The following SMCO4 variants were observed in gnomAD, a reference collection of about 807,000 sequenced individuals.
The protein encoded by SMCO4 is single-pass membrane and coiled-coil domain-containing protein 4.
A neutral mutation model predicts 3.6 loss-of-function variants in SMCO4; 4 were observed. That is an observed-to-expected ratio of 1.11 (90% CI 0.54 to 2.53). The LOEUF (loss-of-function observed/expected upper bound fraction) is 2.53. Ranked by LOEUF, SMCO4 falls within the 30% of genes most tolerant of loss-of-function variation. The probability of loss-of-function intolerance (pLI) is 0.02; values close to 1 mark genes in which losing one functional copy is unlikely to be tolerated. For missense variants in SMCO4, 70 were observed against 80.8 expected (o/e 0.87, Z 0.51); for synonymous variants, 36 against 35.3 (o/e 1.02, Z -0.07).
chr11:93,480,451 T>C (rs1172292947), intron 2 of SMCO4, among the ~76,000 whole-genome samples: 1 of 152,208 alleles, frequency 6.6e-6, no homozygotes, highest in Non-Finnish European at 1.5e-5. Flanking sequence ...CATGTGTGAC[T>C]AGCCAAGCCC....
At chr11:93,512,475 C>G (rs151337751) in intron 1 of SMCO4, among the ~76,000 whole-genome samples, 89 of 152,326 alleles carry the variant, frequency 5.8e-4, no homozygotes, top group African/African-American at 2.0e-3. Flanking sequence ...AAGCAGTTTC[C>G]AGTCCTGCAA....
At chr11:93,505,067 T>C (rs982700997) in intron 1 of SMCO4, among the ~76,000 whole-genome samples, 3 of 152,220 alleles carry the variant, frequency 2.0e-5, no homozygotes, top group Non-Finnish European at 4.4e-5. Context: ...TGTCTCACGC[T>C]GTAACAGATC....
At chr11:93,515,019 T>C (rs1948996412) in intron 1 of SMCO4, among the ~76,000 whole-genome samples, 1 of 152,220 alleles carries the variant, frequency 6.6e-6, no homozygotes, top group African/African-American at 2.4e-5. Context: ...TCTAAAATTT[T>C]GGCACCATTA....
At chr11:93,552,098 A>C in the SMCO4 span, among the ~76,000 whole-genome samples, 3 of 150,988 alleles carry the variant, frequency 2.0e-5, no homozygotes, top group East Asian at 5.8e-4. Context: ...AAACACTAAA[A>C]TGTTTCCAAA....
chr11:93,512,461 C>A (rs1016291223), intron 1 of SMCO4, among the ~76,000 whole-genome samples: 7 of 152,198 alleles, frequency 4.6e-5, no homozygotes, highest in Non-Finnish European at 1.0e-4. Context: ...CACTGACTCA[C>A]CCAAAGCAGT....
chr11:93,549,690 C>T, the SMCO4 span, among the ~76,000 whole-genome samples: 2 of 151,728 alleles, frequency 1.3e-5, no homozygotes, highest in Non-Finnish European at 2.9e-5. Context: ...AACTCCTGGG[C>T]TCAAGTGATC....
At chr11:93,549,628 T>TA in the SMCO4 span, among the ~76,000 whole-genome samples, 1 of 151,366 alleles carries the variant, frequency 6.6e-6, no homozygotes, top group Admixed American at 6.6e-5. Flanking sequence ...TATTTATTTT[T>TA]TTTTTTTTTA....
chr11:93,490,176 C>T (rs1228424961), intron 2 of SMCO4, among the ~76,000 whole-genome samples: 1 of 152,240 alleles, frequency 6.6e-6, no homozygotes, highest in East Asian at 1.9e-4. Flanking sequence ...GGAAGCAGAG[C>T]TTTTGAACAG....
chr11:93,514,413 T>TATATATATATATATATACAC lies in SMCO4; in HGVS notation c.-153-15066_-153-15065insGTGTATATATATATATATAT, dbSNP rs781423008. On this transcript the variant is annotated intron_variant, in intron 1 of 2. Transcript: ENST00000298966. ...ATATATATATATATATATATATATA[T>TATATATATATATATATACAC]ATATATATAAAATTTGGTCTCTTCC... Among the ~76,000 whole-genome samples, 68 of 33,944 alleles carry TATATATATATATATATACAC rather than the reference T, an allele frequency of 2.0e-3. 5 individuals are homozygous for TATATATATATATATATACAC. Among genetic ancestry groups the TATATATATATATATATACAC allele is most frequent in the Non-Finnish European group, 3.1e-3 (44 of 14,046 alleles). 22.3% of individuals were successfully genotyped at this position (33,944 alleles called of 152,430 possible). A position where few individuals can be genotyped will look rare whatever the true frequency, so the allele number is the denominator to read the frequency against.
chr11:93,531,581 C>T (rs1949162863), intron 1 of SMCO4, among the ~76,000 whole-genome samples: 1 of 152,186 alleles, frequency 6.6e-6, no homozygotes, highest in Non-Finnish European at 1.5e-5. Context: ...GGTTCTGTTT[C>T]TCTGCAGAAC....
At chr11:93,490,214 G>C (rs1409408917) in intron 2 of SMCO4, among the ~76,000 whole-genome samples, 1 of 152,238 alleles carries the variant, frequency 6.6e-6, no homozygotes, top group Non-Finnish European at 1.5e-5. Context: ...TGGCCAGCCA[G>C]GAAATGCTCT....
intron 1 of SMCO4, among the ~76,000 whole-genome samples, chr11:93,542,258 T>C (rs1006452124): frequency 6.6e-5 from 10 of 152,192 alleles, no homozygotes; most frequent in Non-Finnish European, 1.2e-4. Context: ...TCTTCCACCC[T>C]TGCCACCCTC....
rs376711478 is a variant in SMCO4 at position 93,503,018 on chromosome 11, G to C, written c.-153-3670C>G. On this transcript the variant is annotated intron_variant, in intron 1 of 2. Coordinates refer to ENST00000298966, the MANE Select transcript of SMCO4 (RefSeq NM_020179.3). ...TTACAGATCAGAAAGAAGAGGTACT[G>C]AGAGTTAAGGCACTTGCTCAAGATT... is the stretch of plus-strand genomic sequence containing the variant. 9.2e-5 allele frequency among the ~76,000 whole-genome samples: 14 copies of C among 152,300 alleles called. No individual in the cohort carries two copies. The East Asian group carries it at 2.7e-3, about 29-fold the overall frequency.
intron 1 of SMCO4, among the ~76,000 whole-genome samples, chr11:93,539,440 T>C (rs754156370): frequency 2.6e-5 from 4 of 152,216 alleles, no homozygotes; most frequent in South Asian, 2.1e-4. Context: ...TTTTAAAATA[T>C]AAGTCTCTAT....
At chr11:93,523,296 A>G in intron 1 of SMCO4, 1 of 152,446 alleles carries the variant, frequency 6.6e-6, no homozygotes, top group Non-Finnish European at 1.5e-5. Flanking sequence ...AGCCTGGGTT[A>G]CAGAGTGAGA....
chr11:93,496,103 G>A (rs1948769079), intron 2 of SMCO4, among the ~76,000 whole-genome samples: 2 of 152,198 alleles, frequency 1.3e-5, no homozygotes. Flanking sequence ...TTTCAAGCAA[G>A]GGAATTACAT....
intron 1 of SMCO4, among the ~76,000 whole-genome samples, chr11:93,538,624 C>T (rs1949247763): frequency 6.6e-6 from 1 of 152,300 alleles, no homozygotes; most frequent in South Asian, 2.1e-4. Flanking sequence ...CCAAAGGAGG[C>T]ACTTTTGGTT....
rs59047465 is a variant in SMCO4, at chr11:93,516,486, G to A, written c.-153-17138C>T. On this transcript the variant is annotated intron_variant, in intron 1 of 2. Coordinates refer to ENST00000298966, the MANE Select transcript of SMCO4 (RefSeq NM_020179.3). ...GTGCATAATGACATTTAGCGCAAAC[G>A]GAATTAGAAAAGAGAGAGATCGTCT... Among the ~76,000 whole-genome samples, 440 of 152,248 alleles carry A rather than the reference G, an allele frequency of 2.9e-3. 1 individual carries two copies. Among genetic ancestry groups the A allele is most frequent in the African/African-American group, 0.01 (423 of 41,538 alleles).
chr11:93,504,086 C>T (rs1948875310), intron 1 of SMCO4, among the ~76,000 whole-genome samples: 1 of 152,124 alleles, frequency 6.6e-6, no homozygotes, highest in African/African-American at 2.4e-5. Context: ...CTGCTATTTA[C>T]CCAAATTTCT....
Sources: allele counts gnomAD v4.1 joint callset (sites outside exome capture counted in the v4.1 genomes callset), GRCh38; gene constraint gnomAD v4.1.1; transcripts MANE v1.5; gene names NCBI Gene and HGNC (gene_info 2026-07-23, HGNC 2026-07-21).